SPIDR: variants seen among roughly 807,000 people sequenced by gnomAD.
SPIDR encodes the protein scaffold protein involved in DNA repair.
In SPIDR, 93 loss-of-function variants were observed where a neutral mutation model predicts 104.6. That is an observed-to-expected ratio of 0.89 (90% confidence interval 0.75 to 1.06). The LOEUF (loss-of-function observed/expected upper bound fraction) is 1.06, where lower values mean the gene tolerates loss of function less well. SPIDR is among the 50% of genes least tolerant of loss of function. The pLI, the probability that SPIDR is intolerant of heterozygous loss-of-function variation, is 0.00. For missense variants in SPIDR, 1,154 were observed against 1,111.2 expected (o/e 1.04, Z -0.55); for synonymous variants, 431 against 416.9 (o/e 1.03, Z -0.41).
chr8:47,531,680 C>T (rs1165553953), intron 8 of SPIDR, among the ~76,000 whole-genome samples: 1 of 152,120 alleles, frequency 6.6e-6, no homozygotes, highest in Non-Finnish European at 1.5e-5. Flanking sequence ...TTTCTCTTAC[C>T]TCTTCTTCCG....
intron 16 of SPIDR, among the ~76,000 whole-genome samples, chr8:47,721,335 A>G (rs1206092362): frequency 1.3e-5 from 2 of 152,102 alleles, no homozygotes; most frequent in African/African-American, 4.8e-5. Context: ...TTCTGGCACC[A>G]TTTGTTGAAA....
intron 1 of SPIDR, among the ~76,000 whole-genome samples, chr8:47,265,384 T>G (rs1554545871): frequency 5.3e-5 from 8 of 151,104 alleles, no homozygotes. Flanking sequence ...AGAGATAGAG[T>G]CTTGCTGTGT....
At chr8:47,388,082 C>T (rs936679137) in intron 5 of SPIDR, among the ~76,000 whole-genome samples, 1 of 152,106 alleles carries the variant, frequency 6.6e-6, no homozygotes, top group East Asian at 1.9e-4. Context: ...GTATCTTTAT[C>T]GGTTGAGAAT....
At chr8:47,600,123 C>T (rs1032444623) in intron 10 of SPIDR, among the ~76,000 whole-genome samples, 5 of 152,214 alleles carry the variant, frequency 3.3e-5, no homozygotes, top group Non-Finnish European at 5.9e-5. Context: ...CATGGATTTC[C>T]AACAGAATAG....
chr8:47,595,274 T>C (rs908472038), intron 8 of SPIDR, among the ~76,000 whole-genome samples: 2 of 152,220 alleles, frequency 1.3e-5, no homozygotes, highest in Non-Finnish European at 2.9e-5. Flanking sequence ...TGTTTTCTCT[T>C]GTCCAAGGAC....
intron 1 of SPIDR, among the ~76,000 whole-genome samples, chr8:47,262,016 TC>T (rs1300944925): frequency 6.6e-6 from 1 of 152,258 alleles, no homozygotes; most frequent in Non-Finnish European, 1.5e-5. Flanking sequence ...ATGATTGTTT[TC>T]CTGTCTTGCA....
At chr8:47,424,984 T>C (rs1359547643) in intron 7 of SPIDR, among the ~76,000 whole-genome samples, 1 of 152,226 alleles carries the variant, frequency 6.6e-6, no homozygotes, top group African/African-American at 2.4e-5. Context: ...TTTAACTGCC[T>C]ATTCTTAAGC....
chr8:47,635,433 T>A (rs539338892), intron 10 of SPIDR, among the ~76,000 whole-genome samples: 7 of 152,340 alleles, frequency 4.6e-5, no homozygotes, highest in Admixed American at 3.9e-4. Context: ...TCTACCCTGA[T>A]GTGATTAAGT....
chr8:47,554,216 G>A (rs2091001157), intron 8 of SPIDR, among the ~76,000 whole-genome samples: 1 of 152,192 alleles, frequency 6.6e-6, no homozygotes, highest in Admixed American at 6.5e-5. Flanking sequence ...ACTTGAGGAG[G>A]CAGTCTGTCC....
chr8:47,303,511 A>G lies in SPIDR; in HGVS notation c.525+9481A>G, dbSNP rs1454504028. ...AACCCAATACCTCAGTTGGAAATGC[A>G]GAAATCACCCGTCTTCTGCGTCACT... On this transcript the variant is annotated intron_variant, in intron 5 of 19. Coordinates refer to ENST00000297423, the MANE Select transcript of SPIDR (RefSeq NM_001080394.4). Among the ~76,000 whole-genome samples the G allele has an allele frequency of 2.6e-5, 4 of 152,174 alleles. No individual in the cohort carries two copies. In the South Asian group the frequency reaches 6.2e-4, roughly 24 times the overall value.
intron 10 of SPIDR, among the ~76,000 whole-genome samples, chr8:47,625,113 A>G (rs978501125): frequency 1.3e-5 from 2 of 152,250 alleles, no homozygotes; most frequent in Non-Finnish European, 2.9e-5. Flanking sequence ...AATCCAGCAT[A>G]TAAACAGAAC....
Position 47,294,064 on chromosome 8 carries a change from T to G in SPIDR, c.525+34T>G, listed in dbSNP as rs1308486607. Reference sequence around the variant, plus strand: ...GAAGTATTTCAAAACTTTTATTCACTTTATAACATTTGCTAATCATAGTTG... The same window carrying G: ...GAAGTATTTCAAAACTTTTATTCACGTTATAACATTTGCTAATCATAGTTG... On this transcript the variant is annotated intron_variant, in intron 5 of 19. Coordinates refer to ENST00000297423, the MANE Select transcript of SPIDR (RefSeq NM_001080394.4). 10 of 1,575,650 alleles carry G rather than the reference T, an allele frequency of 6.3e-6. No individual in the cohort carries two copies. The East Asian group carries it at 2.0e-4, about 32-fold the overall frequency.
At chr8:47,421,108 C>T (rs943827256) in intron 7 of SPIDR, among the ~76,000 whole-genome samples, 2 of 152,136 alleles carry the variant, frequency 1.3e-5, no homozygotes, top group Non-Finnish European at 2.9e-5. Flanking sequence ...TCTTCTTGAA[C>T]AGTATCTTTG....
chr8:47,724,446 AC>A (rs2083902344), intron 16 of SPIDR, among the ~76,000 whole-genome samples: 1 of 152,182 alleles, frequency 6.6e-6, no homozygotes, highest in Non-Finnish European at 1.5e-5. Context: ...TGGAGTCCTC[AC>A]TGCTGTTTGG....
At chr8:47,404,058 C>T (rs1554665616) in intron 6 of SPIDR, among the ~76,000 whole-genome samples, 1 of 152,142 alleles carries the variant, frequency 6.6e-6, no homozygotes, top group East Asian at 1.9e-4. Context: ...ACATCTAAAA[C>T]CATCTGATCC....
intron 8 of SPIDR, among the ~76,000 whole-genome samples, chr8:47,452,252 C>A (rs1247242343): frequency 1.3e-5 from 2 of 151,930 alleles, no homozygotes; most frequent in African/African-American, 2.4e-5. Flanking sequence ...GGTCCAAAAT[C>A]GATCAATCAA....
chr8:47,312,026 A>G (rs2044272334), intron 5 of SPIDR, among the ~76,000 whole-genome samples: 1 of 152,158 alleles, frequency 6.6e-6, no homozygotes, highest in South Asian at 2.1e-4. Flanking sequence ...AGTTTGATCC[A>G]TGTCCCTACA....
intron 8 of SPIDR, among the ~76,000 whole-genome samples, chr8:47,480,724 G>A (rs2076811663): frequency 6.6e-6 from 1 of 152,328 alleles, no homozygotes; most frequent in South Asian, 2.1e-4. Flanking sequence ...TGAGAGTCTG[G>A]AAAAGGCACA....
At chr8:47,290,999 G>T in intron 3 of SPIDR, 34 bp from the exon 4 acceptor site, 4 of 1,518,402 alleles carry the variant, frequency 2.6e-6, no homozygotes, top group Non-Finnish European at 3.6e-6. Context: ...CATATAAGGA[G>T]ATCATATTTA....
Sources: gnomAD v4.1 joint callset for allele counts (sites outside exome capture counted in the v4.1 genomes callset) on GRCh38, gnomAD v4.1.1 for gene constraint, MANE v1.5 for transcripts, NCBI Gene and HGNC (gene_info 2026-07-23, HGNC 2026-07-21) for gene names.